FKBP1A: variants seen among roughly 807,000 people sequenced by gnomAD.
FKBP1A encodes the protein FKBP prolyl isomerase 1A.
Under a neutral mutation model 14.2 loss-of-function variants are expected in FKBP1A, and 5 were observed. That is an observed-to-expected ratio of 0.35 (90% CI 0.18 to 0.74). The LOEUF is 0.74. Ranked by LOEUF, FKBP1A falls within the 30% of genes least tolerant of loss-of-function variation. The probability of loss-of-function intolerance (pLI) is 0.56; values close to 1 mark genes in which losing one functional copy is unlikely to be tolerated. For missense variants in FKBP1A, 53 were observed against 138.8 expected (o/e 0.38, Z 3.10); for synonymous variants, 42 against 49.1 (o/e 0.86, Z 0.60).
At chr20:1,388,658 T>C (rs2089695763) in intron 2 of FKBP1A, among the ~76,000 whole-genome samples, 1 of 146,586 alleles carries the variant, frequency 6.8e-6, no homozygotes, top group African/African-American at 2.5e-5. Flanking sequence ...GAGCTGGCAC[T>C]CCACACACCT....
intron 2 of FKBP1A, among the ~76,000 whole-genome samples, chr20:1,389,368 G>A (rs1301685457): frequency 6.6e-6 from 1 of 152,174 alleles, no homozygotes; most frequent in Non-Finnish European, 1.5e-5. Context: ...AGCCATCTGA[G>A]GCATCTCTGC....
intron 2 of FKBP1A, among the ~76,000 whole-genome samples, chr20:1,383,117 C>G (rs1386699082): frequency 2.0e-5 from 3 of 152,096 alleles, no homozygotes; most frequent in African/African-American, 7.2e-5. Context: ...ACTAATAACC[C>G]AATAGAAATG....
In FKBP1A at chr20:1,373,159, A is replaced by G. The variant is rs1422308400; in HGVS notation, c.199-919T>C. The G allele has an allele frequency of 3.3e-5, 5 of 152,346 alleles. No homozygotes were observed. In the East Asian group the frequency reaches 9.6e-4, roughly 29 times the overall value. The allele number at this position is 152,346 out of a possible 1,614,324, so 9.4% of individuals were successfully genotyped here. On this transcript the variant is annotated intron_variant, in intron 3 of 4. Transcript: ENST00000400137. ...CTCAGAAGCTGGGACATGTTGGACC[A>G]AGGTGGTAAGGATAGTGAGGTATGG...
intron 2 of FKBP1A, chr20:1,376,769 C>T (rs2089550154): frequency 6.6e-6 from 1 of 151,236 alleles, no homozygotes; most frequent in African/African-American, 2.5e-5. Context: ...ATTATAAACC[C>T]AAATACCATG....
intron 4 of FKBP1A, chr20:1,371,010 C>T (rs1226791598): frequency 1.0e-6 from 1 of 985,226 alleles, no homozygotes; most frequent in African/African-American, 1.7e-5. Flanking sequence ...TTTAAAAAGC[C>T]CCTCCACTTA....
At chr20:1,380,689 A>AC (rs1219592267) in intron 2 of FKBP1A, among the ~76,000 whole-genome samples, 1 of 152,136 alleles carries the variant, frequency 6.6e-6, no homozygotes, top group African/African-American at 2.4e-5. Context: ...AATATCCAGC[A>AC]CCCCAAAAGG....
chr20:1,371,617 A>C (rs2089465286), intron 4 of FKBP1A: 1 of 711,726 alleles, frequency 1.4e-6, no homozygotes. Context: ...ACCACAAACC[A>C]CAGTGAAGAG....
Position 1,392,945 on chromosome 20 carries a change from C to G in FKBP1A, c.37+17G>C, listed in dbSNP as rs573906524. On this transcript the variant is annotated intron_variant, in intron 1 of 4. Coordinates refer to ENST00000400137, the MANE Select transcript of FKBP1A (RefSeq NM_000801.5). ...CGGCGGCAGAGGTACTCCGAGCCGCCGCGCGCCACTACTCACCGTCTCCTG... is the reference window on the plus strand; with the variant it reads ...CGGCGGCAGAGGTACTCCGAGCCGCGGCGCGCCACTACTCACCGTCTCCTG... The G allele has an allele frequency of 6.7e-7, 1 of 1,486,870 alleles. No individual in the cohort carries two copies. 92.1% of individuals were successfully genotyped at this position (1,486,870 alleles called of 1,614,324 possible).
At chr20:1,375,256 T>G (rs942659657) in intron 3 of FKBP1A, 1 of 580,436 alleles carries the variant, frequency 1.7e-6, no homozygotes, top group Non-Finnish European at 3.0e-6. Flanking sequence ...AAAAGTAAAC[T>G]GCAAAACAGT....
In FKBP1A at chr20:1,372,145, G is replaced by A. The variant is rs749183256; in HGVS notation, c.294C>T (p.Leu98=). 25 of 1,613,676 alleles carry A rather than the reference G, an allele frequency of 1.5e-5. No homozygotes were observed. In the East Asian group the frequency reaches 3.6e-4, roughly 23 times the overall value. ...HPGIIPPHAT[L]VFDVELLKLE ...GTTTTAGAAGCTCCACATCGAAGACGAGAGTGGCATGTGGTGGGATGATGC... is the reference window on the plus strand; with the variant it reads ...GTTTTAGAAGCTCCACATCGAAGACAAGAGTGGCATGTGGTGGGATGATGC... The change falls in exon 4 of 5, where the codon CTC becomes CTT. Residue 98 remains leucine (L), a synonymous_variant. Coordinates refer to ENST00000400137, the MANE Select transcript of FKBP1A (RefSeq NM_000801.5).
In FKBP1A at chr20:1,375,486, C is replaced by A. The variant is rs1568586722; in HGVS notation, c.198+5G>T. On this transcript the variant is annotated splice_donor_5th_base_variant and intron_variant, in intron 3 of 4. Transcript: ENST00000400137. ...AAGCAAAACAAAACAAATGAGAGAG[C>A]ATACCTGGGCAACCCCTTCTTCCCA... 6.3e-7 allele frequency: 1 copy of A among 1,598,890 alleles called. No individual in the cohort carries two copies. Among genetic ancestry groups the A allele is most frequent in the Non-Finnish European group, 8.6e-7 (1 of 1,166,390 alleles).
chr20:1,391,345 C>T (rs1367490359), intron 2 of FKBP1A, among the ~76,000 whole-genome samples: 1 of 152,172 alleles, frequency 6.6e-6, no homozygotes, highest in Non-Finnish European at 1.5e-5. Context: ...CAAAAGGATG[C>T]GCTTTCATCT....
intron 2 of FKBP1A, among the ~76,000 whole-genome samples, chr20:1,381,170 T>C (rs1427414203): frequency 6.6e-6 from 1 of 152,110 alleles, no homozygotes; most frequent in Non-Finnish European, 1.5e-5. Flanking sequence ...AGACAAACCA[T>C]ACACTGGGAG....
At chr20:1,375,463 G>T in intron 3 of FKBP1A, 28 bp downstream of exon 3, 1 of 1,515,028 alleles carries the variant, frequency 6.6e-7, no homozygotes, top group Non-Finnish European at 9.2e-7. Flanking sequence ...ATACTAGAAA[G>T]CAAAACAAAA....
intron 4 of FKBP1A, chr20:1,370,371 TC>T: frequency 1.0e-6 from 1 of 985,260 alleles, no homozygotes; most frequent in Non-Finnish European, 1.2e-6. Context: ...TTCCCCACTA[TC>T]ATTGGGTCTC....
intron 2 of FKBP1A, among the ~76,000 whole-genome samples, chr20:1,390,567 C>A (rs1045718977): frequency 1.3e-5 from 2 of 152,158 alleles, no homozygotes; most frequent in Admixed American, 1.3e-4. Context: ...TGGGCTTCTG[C>A]CTTTGAAAAC....
At chr20:1,392,512 G>A (rs1393890662) in intron 2 of FKBP1A, among the ~76,000 whole-genome samples, 1 of 152,164 alleles carries the variant, frequency 6.6e-6, no homozygotes, top group Non-Finnish European at 1.5e-5. Flanking sequence ...CCTTGGGAAA[G>A]TGACTTCGCC....
chr20:1,389,403 T>C (rs1428827696), intron 2 of FKBP1A, among the ~76,000 whole-genome samples: 3 of 152,072 alleles, frequency 2.0e-5, no homozygotes, highest in Non-Finnish European at 2.9e-5. Flanking sequence ...CCTCCAGACA[T>C]CAGATCACCA....
chr20:1,392,397 G>A (rs977854575), intron 2 of FKBP1A, among the ~76,000 whole-genome samples: 8 of 152,192 alleles, frequency 5.3e-5, no homozygotes, highest in Non-Finnish European at 1.2e-4. Context: ...AGTGAAGGGA[G>A]GGATGGAAGT....
Sources: allele counts gnomAD v4.1 joint callset (sites outside exome capture counted in the v4.1 genomes callset), GRCh38; gene constraint gnomAD v4.1.1; transcripts MANE v1.5; gene names NCBI Gene and HGNC (gene_info 2026-07-23, HGNC 2026-07-21).